Variants in KPNA1 observed in about 807,000 individuals in gnomAD.
KPNA1 encodes karyopherin subunit alpha 1.
In KPNA1, 10 loss-of-function variants were observed where a neutral mutation model predicts 70.5. The observed-to-expected ratio is 0.14, with a 90% confidence interval of 0.09 to 0.24. The LOEUF is 0.24. KPNA1 is among the 10% of genes least tolerant of loss of function. The pLI, the probability that KPNA1 is intolerant of heterozygous loss-of-function variation, is 1.00. For missense variants in KPNA1, 397 were observed against 637.9 expected, an observed-to-expected ratio of 0.62 and a Z score of 4.07; for synonymous variants, 192 against 221.9, an observed-to-expected ratio of 0.87 and a Z score of 1.20.
At chr3:122,466,302 A>C (rs2076379709) in intron 3 of KPNA1, among the ~76,000 whole-genome samples, 1 of 152,174 alleles carries the variant, frequency 6.6e-6, no homozygotes, top group South Asian at 2.1e-4. Context: ...TCTCAGAAAG[A>C]ATAAATAGGA....
intron 9 of KPNA1, 94 bp from the exon 10 acceptor site, chr3:122,442,210 A>G (rs2076073035): frequency 1.1e-6 from 1 of 922,146 alleles, no homozygotes; most frequent in Non-Finnish European, 1.8e-6. Flanking sequence ...AAATTGTGAT[A>G]GAATTTTAGA....
intron 1 of KPNA1, among the ~76,000 whole-genome samples, chr3:122,502,885 A>G (rs1054716492): frequency 6.6e-6 from 1 of 152,108 alleles, no homozygotes; most frequent in Non-Finnish European, 1.5e-5. Flanking sequence ...TGGGAGGCCA[A>G]GGTGGGAGGA....
At chr3:122,469,072 C>T (rs753397546) in intron 2 of KPNA1, among the ~76,000 whole-genome samples, 1 of 152,080 alleles carries the variant, frequency 6.6e-6, no homozygotes, top group Non-Finnish European at 1.5e-5. Flanking sequence ...GTATCAGACA[C>T]CAAACTGTAG....
At chr3:122,434,189 G>A (rs968179782) in intron 11 of KPNA1, among the ~76,000 whole-genome samples, 7 of 152,070 alleles carry the variant, frequency 4.6e-5, no homozygotes, top group East Asian at 1.9e-4. Flanking sequence ...CACCCACCTC[G>A]GCCTCCCAAA....
intron 2 of KPNA1, among the ~76,000 whole-genome samples, chr3:122,469,702 C>T (rs1171961165): frequency 2.0e-5 from 3 of 151,902 alleles, no homozygotes; most frequent in Non-Finnish European, 4.4e-5. Flanking sequence ...TGGACAAAGG[C>T]CAAAAAAATC....
intron 11 of KPNA1, 97 bp from the exon 12 acceptor site, chr3:122,433,885 ACC>A (rs11334219): frequency 1.3e-5 from 11 of 875,478 alleles, no homozygotes; most frequent in Non-Finnish European, 1.7e-5. Flanking sequence ...GACTATTAAC[ACC>A]CCTTCTCCTG....
At chr3:122,510,357 T>C (rs916423263) in intron 1 of KPNA1, among the ~76,000 whole-genome samples, 4 of 152,128 alleles carry the variant, frequency 2.6e-5, no homozygotes, top group African/African-American at 9.7e-5. Flanking sequence ...AACTATGAAA[T>C]AGGCCTAGAA....
intron 2 of KPNA1, among the ~76,000 whole-genome samples, chr3:122,470,596 G>T (rs2076430872): frequency 6.6e-6 from 1 of 151,556 alleles, no homozygotes; most frequent in African/African-American, 2.4e-5. Context: ...ATGATACAAG[G>T]AATGGAAGGG....
intron 1 of KPNA1, 162 bp downstream of exon 1, chr3:122,514,595 C>G (rs1262339292): frequency 1.3e-5 from 2 of 152,058 alleles, no homozygotes; most frequent in Non-Finnish European, 2.9e-5. Context: ...CAGCCGGGCC[C>G]GTGACGCACG....
rs1400979498 is a variant in KPNA1 at position 122,481,228 on chromosome 3, T to C, written c.130-13799A>G. On this transcript the variant is annotated intron_variant, in intron 2 of 13. Coordinates refer to ENST00000344337, the MANE Select transcript of KPNA1 (RefSeq NM_002264.4). ...AAACATACATCCACACAAAAACTTGTATGTGTTCACAGAAGCATTATTCAC... is the reference window on the plus strand; with the variant it reads ...AAACATACATCCACACAAAAACTTGCATGTGTTCACAGAAGCATTATTCAC... 2.0e-5 allele frequency among the ~76,000 whole-genome samples: 3 copies of C among 152,180 alleles called. No homozygotes were observed. The East Asian group carries it at 5.8e-4, about 29-fold the overall frequency.
In KPNA1 at chr3:122,449,432, A is replaced by G. The variant is rs575862561; in HGVS notation, c.917+142T>C. ...AAACAAGACAAACAGATCTGACATC[A>G]AAATAAACAAGTAACAAAAACAGTA... is the stretch of plus-strand genomic sequence containing the variant. On this transcript the variant is annotated intron_variant, in intron 9 of 13. Coordinates refer to ENST00000344337, the MANE Select transcript of KPNA1 (RefSeq NM_002264.4). 2.3e-4 allele frequency: 155 copies of G among 676,002 alleles called. 3 individuals are homozygous for G. The African/African-American group carries it at 2.7e-3, about 12-fold the overall frequency. The allele number at this position is 676,002 out of a possible 1,614,324, so 41.9% of individuals were successfully genotyped here.
rs957626967 is a variant in KPNA1 at position 122,424,226 on chromosome 3, A to G, written c.*2759T>C. 2 of 152,224 alleles carry G rather than the reference A, an allele frequency of 1.3e-5. No individual in the cohort carries two copies. Among genetic ancestry groups the G allele is most frequent in the South Asian group, 2.1e-4 (1 of 4,838 alleles). The allele number at this position is 152,224 out of a possible 1,614,324, so 9.4% of individuals were successfully genotyped here. ...CCCAATCCATATATAAAACTACAAA[A>G]GAGTTTTCCTGTATTGAAATTAACA... On this transcript the variant is annotated 3_prime_UTR_variant, in exon 14 of 14. Transcript: ENST00000344337.
chr3:122,447,721 G>A (rs1426486155), intron 9 of KPNA1, among the ~76,000 whole-genome samples: 1 of 152,156 alleles, frequency 6.6e-6, no homozygotes, highest in East Asian at 1.9e-4. Context: ...TAGGAAAAGA[G>A]GAAGTCAAAC....
At chr3:122,437,597 G>T (rs1459176813) in intron 10 of KPNA1, among the ~76,000 whole-genome samples, 1 of 152,188 alleles carries the variant, frequency 6.6e-6, no homozygotes, top group Non-Finnish European at 1.5e-5. Context: ...TAAGTCTTCT[G>T]AATGGGTAAA....
At chr3:122,437,451 A>T (rs1367419977) in intron 10 of KPNA1, among the ~76,000 whole-genome samples, 156 bp from the exon 11 acceptor site, 1 of 152,254 alleles carries the variant, frequency 6.6e-6, no homozygotes, top group Non-Finnish European at 1.5e-5. Flanking sequence ...ACTGTTAATA[A>T]GAATTAGTTT....
chr3:122,461,377 A>T, intron 4 of KPNA1, 59 bp from the exon 5 acceptor site: 1 of 1,073,538 alleles, frequency 9.3e-7, no homozygotes. Context: ...CAAGAACTTA[A>T]CAGCTCAAAA....
rs375042117 is a variant in KPNA1 at position 122,427,190 on chromosome 3, G to A, written c.1430-18C>T. The A allele has an allele frequency of 7.0e-5, 111 of 1,578,228 alleles. No individual in the cohort carries two copies. The highest frequency in any genetic ancestry group is 6.7e-4 in the Middle Eastern group (4 of 5,948). ...ATCCAGACCTAAAATGAAGAATAAA[G>A]GAAAATCTTTATTGAAAACTTCAAT... On this transcript the variant is annotated intron_variant, in intron 13 of 13. Coordinates refer to ENST00000344337, the MANE Select transcript of KPNA1 (RefSeq NM_002264.4).
chr3:122,514,071 A>T (rs1339330690), intron 1 of KPNA1, among the ~76,000 whole-genome samples: 1 of 152,210 alleles, frequency 6.6e-6, no homozygotes, highest in Admixed American at 6.5e-5. Flanking sequence ...TTTTGAGCTT[A>T]ATCCGATACC....
At chr3:122,445,254 G>GT (rs1158966869) in intron 9 of KPNA1, among the ~76,000 whole-genome samples, 1 of 152,142 alleles carries the variant, frequency 6.6e-6, no homozygotes, top group East Asian at 1.9e-4. Context: ...ACTTCGTGAC[G>GT]TATGCACAAG....
Sources: gnomAD v4.1 joint callset for allele counts (sites outside exome capture counted in the v4.1 genomes callset) on GRCh38, gnomAD v4.1.1 for gene constraint, MANE v1.5 for transcripts, NCBI Gene and HGNC (gene_info 2026-07-23, HGNC 2026-07-21) for gene names.